PARD3: variants seen among roughly 807,000 people sequenced by gnomAD.
The protein encoded by PARD3 is partitioning defective 3 homolog.
PARD3 carries 75 observed loss-of-function variants against 155.4 expected under a neutral mutation model. That is an observed-to-expected ratio of 0.48 (90% CI 0.40 to 0.58). The LOEUF is 0.58. PARD3 is among the 20% of genes least tolerant of loss of function. The pLI is 0.00. For missense variants in PARD3, 1,642 were observed against 1,721.7 expected (o/e 0.95, Z 0.82); for synonymous variants, 576 against 610.5 (o/e 0.94, Z 0.83).
At chr10:34,413,652 T>C (rs778467122) in intron 5 of PARD3, among the ~76,000 whole-genome samples, 5 of 152,142 alleles carry the variant, frequency 3.3e-5, no homozygotes, top group African/African-American at 4.8e-5. Flanking sequence ...CTTAGGTCTG[T>C]CCCTTGGACA....
intron 21 of PARD3, among the ~76,000 whole-genome samples, chr10:34,272,383 G>GA (rs948685732): frequency 2.6e-4 from 39 of 152,000 alleles, no homozygotes; most frequent in Admixed American, 2.5e-3. Flanking sequence ...GTACAGACTA[G>GA]AAAAAAATAT....
At chr10:34,681,746 ATATATATATATATATATATATATTTT>A (rs1311228288) in intron 2 of PARD3, among the ~76,000 whole-genome samples, 9 of 14,874 alleles carry the variant, frequency 6.1e-4, no homozygotes, top group African/African-American at 1.7e-3. Context: ...ATATATATAT[ATATATATATATATATATATATATTTT>A]TTTTTTTTTT....
intron 7 of PARD3, among the ~76,000 whole-genome samples, chr10:34,385,377 C>T (rs973970199): frequency 6.6e-6 from 1 of 152,092 alleles, no homozygotes; most frequent in South Asian, 2.1e-4. Context: ...CTCAGGTAAT[C>T]CACCCGCCTC....
chr10:34,124,451 T>C (rs1947170006), intron 23 of PARD3, among the ~76,000 whole-genome samples: 1 of 152,222 alleles, frequency 6.6e-6, no homozygotes, highest in African/African-American at 2.4e-5. Flanking sequence ...TGTCAACTGT[T>C]GACTCTGTTG....
At chr10:34,270,008 C>G in intron 21 of PARD3, 109 bp from the exon 22 acceptor site, 1 of 1,098,884 alleles carries the variant, frequency 9.1e-7, no homozygotes, top group Non-Finnish European at 1.3e-6. Flanking sequence ...TTTCTTGCAG[C>G]TATAGAAGAT....
chr10:34,696,416 G>A lies in PARD3; in HGVS notation c.124C>T (p.Pro42Ser), dbSNP rs927011197. 2.3e-5 allele frequency: 36 copies of A among 1,589,068 alleles called. No homozygotes were observed. Among genetic ancestry groups the A allele is most frequent in the Non-Finnish European group, 2.8e-5 (32 of 1,157,718 alleles). Reference sequence around the variant, plus strand: ...CGATGCACCTGTATCCAGTAGTTTGGATCCTATACGAAAGAACAGAAACAC... The same window carrying A: ...CGATGCACCTGTATCCAGTAGTTTGAATCCTATACGAAAGAACAGAAACAC... Reference protein sequence around the residue: ...TRYRKAIAKDPNYWIQVHRLE... With the variant: ...TRYRKAIAKDSNYWIQVHRLE... Residue 42 changes from proline (P) to serine (S), a missense_variant, in exon 2 of 25, where the codon CCA (proline) becomes TCA (serine). Transcript: ENST00000374788.
At chr10:34,186,315 G>A (rs1950492071) in intron 22 of PARD3, among the ~76,000 whole-genome samples, 1 of 147,686 alleles carries the variant, frequency 6.8e-6, no homozygotes, top group South Asian at 2.1e-4. Flanking sequence ...GGCTATGATT[G>A]CACCACTGCA....
chr10:34,383,585 A>G (rs1333241152), intron 8 of PARD3, among the ~76,000 whole-genome samples: 3 of 152,156 alleles, frequency 2.0e-5, no homozygotes, highest in African/African-American at 7.2e-5. Context: ...CCTGGTCAGG[A>G]CCTCAAGTTC....
chr10:34,747,772 A>G (rs1336275645), intron 1 of PARD3, among the ~76,000 whole-genome samples: 1 of 152,248 alleles, frequency 6.6e-6, no homozygotes, highest in Non-Finnish European at 1.5e-5. Context: ...ATGTTCACAT[A>G]CAATGAATAA....
At chr10:34,733,315 G>A (rs1334816535) in intron 1 of PARD3, among the ~76,000 whole-genome samples, 1 of 152,106 alleles carries the variant, frequency 6.6e-6, no homozygotes, top group African/African-American at 2.4e-5. Context: ...AGAATGTGTT[G>A]AAAGTCCCTT....
chr10:34,353,432 T>G (rs896840510), intron 14 of PARD3, among the ~76,000 whole-genome samples: 13 of 152,198 alleles, frequency 8.5e-5, no homozygotes, highest in Admixed American at 8.5e-4. Context: ...CCCCGTGCTC[T>G]CTGAAACATG....
intron 23 of PARD3, among the ~76,000 whole-genome samples, chr10:34,119,996 C>CTTAATT (rs1946897871): frequency 5.6e-5 from 6 of 106,564 alleles, no homozygotes; most frequent in Admixed American, 2.9e-4. Flanking sequence ...ACTTTCTAGT[C>CTTAATT]TTCTTTAATT....
intron 22 of PARD3, among the ~76,000 whole-genome samples, chr10:34,225,165 C>T (rs1952522241): frequency 6.6e-6 from 1 of 152,130 alleles, no homozygotes; most frequent in Admixed American, 6.5e-5. Context: ...GACATATACA[C>T]ATCATGACAA....
chr10:34,638,996 C>A (rs1640714400), intron 2 of PARD3, among the ~76,000 whole-genome samples: 1 of 152,150 alleles, frequency 6.6e-6, no homozygotes, highest in Admixed American at 6.5e-5. Flanking sequence ...CTAACTAGGC[C>A]TAGGATCCTC....
At chr10:34,534,276 A>G (rs1464798588) in intron 2 of PARD3, among the ~76,000 whole-genome samples, 2 of 151,956 alleles carry the variant, frequency 1.3e-5, no homozygotes, top group Non-Finnish European at 1.5e-5. Flanking sequence ...AAAAAAAAAA[A>G]AAGACCCAGA....
chr10:34,516,983 T>C lies in PARD3; in HGVS notation c.399A>G (p.Arg133=), dbSNP rs761641750. The change falls in exon 3 of 25, where the codon CGA becomes CGG. Residue 133 remains arginine, a synonymous_variant. Transcript: ENST00000374788. The part of the protein sequence containing the change: ...SEIEVTPSVL[R]ANMPLHVRRS... ...GAAGAAAGAGCTTTCACTTACTTGCTCGAAGGACTGAAGGTGTGACCTCAA... is the reference window on the plus strand; with the variant it reads ...GAAGAAAGAGCTTTCACTTACTTGCCCGAAGGACTGAAGGTGTGACCTCAA... 1.9e-6 allele frequency: 3 copies of C among 1,613,472 alleles called. No homozygotes were observed. The highest frequency in any genetic ancestry group is 1.3e-5 in the African/African-American group (1 of 74,920).
At chr10:34,774,923 C>T (rs932561630) in intron 1 of PARD3, among the ~76,000 whole-genome samples, 4 of 152,122 alleles carry the variant, frequency 2.6e-5, no homozygotes, top group African/African-American at 9.7e-5. Context: ...GGAAGTTTAC[C>T]TAGTTACGAA....
At chr10:34,242,344 G>A (rs932037822) in intron 22 of PARD3, among the ~76,000 whole-genome samples, 1 of 152,088 alleles carries the variant, frequency 6.6e-6, no homozygotes, top group African/African-American at 2.4e-5. Flanking sequence ...TCCTATTTAA[G>A]GACAGTGGCC....
intron 5 of PARD3, among the ~76,000 whole-genome samples, chr10:34,435,643 G>A (rs1474804286): frequency 1.3e-5 from 2 of 152,160 alleles, no homozygotes; most frequent in Non-Finnish European, 2.9e-5. Context: ...AACATAGTAT[G>A]TTTACGTTTG....
Sources: gnomAD v4.1 joint callset for allele counts (sites outside exome capture counted in the v4.1 genomes callset) on GRCh38, gnomAD v4.1.1 for gene constraint, MANE v1.5 for transcripts, NCBI Gene and HGNC (gene_info 2026-07-23, HGNC 2026-07-21) for gene names.